Variants in TBL1Y observed in about 807,000 individuals in gnomAD.
The protein encoded by TBL1Y is transducin beta like 1 Y-linked.
In TBL1Y, 15 loss-of-function variants were observed where a neutral mutation model predicts 12.0. The ratio of observed to expected loss-of-function variants is 1.25; its 90% CI spans 0.83 to 1.92. TBL1Y has a LOEUF of 1.92. TBL1Y is among the 40% of genes most tolerant of loss of function. The pLI, the probability that TBL1Y is intolerant of heterozygous loss-of-function variation, is 0.00. For synonymous variants in TBL1Y, 53 were observed against 42.6 expected (o/e 1.24, Z -0.95); for missense variants, 148 against 116.7 (o/e 1.27, Z -1.24).
Position 7,038,892 on chromosome Y carries a change from ATTCTCATCTTTGTTCCTGTGTGTGTGTTG to A in TBL1Y, c.59-4078_59-4050del. Among the ~76,000 whole-genome samples, 3 of 33,787 alleles carry A rather than the reference ATTCTCATCTTTGTTCCTGTGTGTGTGTTG, an allele frequency of 8.9e-5. No homozygotes were observed. The East Asian group carries it at 2.4e-3, about 27-fold the overall frequency. The allele number at this position is 33,787 out of a possible 37,273, so 90.6% of individuals were successfully genotyped here. On this transcript the variant is annotated intron_variant, in intron 6 of 18. Transcript: ENST00000383032. ...CGTGGGTGCTTTGTTTGTCACTAAC[ATTCTCATCTTTGTTCCTGTGTGTGTGTTG>A]TTCTCATCTGTGTTCCTGTGTGTGT...
chrY:7,020,506 G>C, intron 4 of TBL1Y, among the ~76,000 whole-genome samples: 1 of 32,997 alleles, frequency 3.0e-5, no homozygotes, highest in Non-Finnish European at 7.4e-5. Context: ...CTTGAACCTG[G>C]GAGGCGGAGG....
At chrY:6,963,304 C>T (rs2012144782) in intron 2 of TBL1Y, among the ~76,000 whole-genome samples, 1 of 33,153 alleles carries the variant, frequency 3.0e-5, no homozygotes, top group African/African-American at 1.2e-4. Flanking sequence ...ATCCATGATT[C>T]CTTCAAACTG....
At chrY:6,912,829 C>CAA (rs760556976) in intron 2 of TBL1Y, among the ~76,000 whole-genome samples, 1 of 1,764 alleles carries the variant, frequency 5.7e-4, no homozygotes, top group South Asian at 0.016. Context: ...GACTCTGTCT[C>CAA]AAAAAAAAAA....
chrY:7,030,404 C>T (rs2012647657), intron 6 of TBL1Y, among the ~76,000 whole-genome samples: 1 of 33,616 alleles, frequency 3.0e-5, no homozygotes, highest in African/African-American at 1.2e-4. Flanking sequence ...TGCTGAGTGA[C>T]AGAGCATCCT....
rs777813100 is a variant in TBL1Y at position 6,949,610 on chromosome Y, TG to T, written c.-265-28602del. On this transcript the variant is annotated intron_variant, in intron 2 of 18. Coordinates refer to ENST00000383032, the MANE Select transcript of TBL1Y (RefSeq NM_033284.2). ...CCGCAGGTTTTCTTGGCCACAAAGA[TG>T]TAACAAAGAAATTCGACAATAAAAA... is the stretch of plus-strand genomic sequence containing the variant. Among the ~76,000 whole-genome samples the T allele has an allele frequency of 3.9e-4, 13 of 33,639 alleles. No individual in the cohort carries two copies. The South Asian group carries it at 8.7e-3, about 22-fold the overall frequency. The allele number at this position is 33,639 out of a possible 37,273, so 90.3% of individuals were successfully genotyped here.
chrY:7,022,678 G>T, intron 5 of TBL1Y, among the ~76,000 whole-genome samples: 1 of 32,746 alleles, frequency 3.1e-5, no homozygotes, highest in East Asian at 8.1e-4. Flanking sequence ...TTTTATCCAT[G>T]CATCAGTTGA....
At chrY:6,986,634 TGTG>T (rs2012319351) in intron 3 of TBL1Y, among the ~76,000 whole-genome samples, 1 of 31,055 alleles carries the variant, frequency 3.2e-5, no homozygotes, top group African/African-American at 1.3e-4. Flanking sequence ...CTAGTGTCTG[TGTG>T]GCCGCCAGTC....
intron 8 of TBL1Y, among the ~76,000 whole-genome samples, chrY:7,064,949 TG>T (rs2012966815): frequency 3.0e-5 from 1 of 33,740 alleles, no homozygotes; most frequent in Non-Finnish European, 7.3e-5. Context: ...AAAGATATTC[TG>T]GCTTTTTATT....
chrY:7,040,123 C>T, intron 6 of TBL1Y, among the ~76,000 whole-genome samples: 2 of 34,147 alleles, frequency 5.9e-5, no homozygotes, highest in Admixed American at 2.7e-4. Context: ...TATGAAAGTG[C>T]CTATTTCCAG....
At chrY:7,079,718 C>CTT (rs2013081553) in intron 13 of TBL1Y, among the ~76,000 whole-genome samples, 1 of 32,542 alleles carries the variant, frequency 3.1e-5, no homozygotes, top group Non-Finnish European at 7.7e-5. Context: ...TTTCAGGAGG[C>CTT]TTTTTTTTTA....
intron 2 of TBL1Y, among the ~76,000 whole-genome samples, chrY:6,958,764 C>T: frequency 2.9e-5 from 1 of 33,929 alleles, no homozygotes. Flanking sequence ...AACATCTCAG[C>T]AGAGTAAAGA....
intron 3 of TBL1Y, among the ~76,000 whole-genome samples, chrY:6,982,200 G>T (rs2012289145): frequency 3.0e-5 from 1 of 33,276 alleles, no homozygotes; most frequent in South Asian, 6.9e-4. Context: ...CATGCCTGTA[G>T]TGTCAACATT....
At chrY:6,912,410 C>T in intron 2 of TBL1Y, among the ~76,000 whole-genome samples, 1 of 33,202 alleles carries the variant, frequency 3.0e-5, no homozygotes, top group African/African-American at 1.2e-4. Context: ...GATTGCAGGC[C>T]TAGTAGAACA....
At chrY:7,063,481 T>C in intron 7 of TBL1Y, among the ~76,000 whole-genome samples, 1 of 32,424 alleles carries the variant, frequency 3.1e-5, no homozygotes, top group Non-Finnish European at 7.5e-5. Flanking sequence ...AAAATGGTTA[T>C]GGCAGAGCAG....
At chrY:7,070,078 G>A (rs34559651) in intron 8 of TBL1Y, 118 bp from the exon 9 acceptor site, 137 of 202,586 alleles carry the variant, frequency 6.8e-4, no homozygotes, top group South Asian at 5.1e-3. Context: ...AGTTAGACTC[G>A]TTAGAGGTAG....
chrY:6,996,998 T>C (rs2012415189), intron 4 of TBL1Y, among the ~76,000 whole-genome samples: 1 of 33,632 alleles, frequency 3.0e-5, no homozygotes, highest in Non-Finnish European at 7.4e-5. Flanking sequence ...AGGAAAAAAA[T>C]TTAAATTCTG....
chrY:6,958,582 T>G, intron 2 of TBL1Y, among the ~76,000 whole-genome samples: 1 of 32,802 alleles, frequency 3.0e-5, no homozygotes, highest in Non-Finnish European at 7.5e-5. Flanking sequence ...TTTTTATTGA[T>G]TATTATTTTC....
At chrY:7,001,231 C>A (rs2012448428) in intron 4 of TBL1Y, among the ~76,000 whole-genome samples, 1 of 32,715 alleles carries the variant, frequency 3.1e-5, no homozygotes, top group African/African-American at 1.2e-4. Flanking sequence ...GCTATGTGAG[C>A]CACTTGTCAA....
At chrY:7,019,704 C>G (rs960441881) in intron 4 of TBL1Y, among the ~76,000 whole-genome samples, 1 of 33,862 alleles carries the variant, frequency 3.0e-5, no homozygotes, top group Non-Finnish European at 7.3e-5. Context: ...TAATTTACAA[C>G]CTAATTCTGA....
Sources: allele counts gnomAD v4.1 joint callset (sites outside exome capture counted in the v4.1 genomes callset), GRCh38; gene constraint gnomAD v4.1.1; transcripts MANE v1.5; gene names NCBI Gene and HGNC (gene_info 2026-07-23, HGNC 2026-07-21).